UNC80: variants seen among roughly 807,000 people sequenced by gnomAD.
The protein encoded by UNC80 is protein unc-80 homolog.
In UNC80, 164 loss-of-function variants were observed where a neutral mutation model predicts 384.6. The observed-to-expected ratio is 0.43, with a 90% CI of 0.38 to 0.49. The LOEUF is 0.49. Among genes scored for constraint, UNC80 ranks in the 20% least tolerant of loss-of-function variants. The pLI is 0.00. For missense variants in UNC80, 3,330 were observed against 4,143.0 expected, an observed-to-expected ratio of 0.80 and a Z score of 5.39; for synonymous variants, 1,486 against 1,527.8, an observed-to-expected ratio of 0.97 and a Z score of 0.64.
At position 209,992,167 on chromosome 2, in the gene UNC80, G is replaced by T; in HGVS notation, c.9316G>T (p.Val3106Leu). ...ACTAACACTGTTGATGCTTGGCAGG[G>T]TGGCAAGTATACAGAGTGAACCTGG... ...GLAAEGSLSR[V>L]ASIQSEPGQQ... is the part of the protein sequence containing the mutation. Residue 3106 changes from valine to leucine, a missense_variant and splice_region_variant, in exon 62 of 65, where the codon GTG becomes TTG. Coordinates refer to ENST00000673920, the MANE Select transcript of UNC80 (RefSeq NM_001371986.1). The T allele has an allele frequency of 6.4e-7, 1 of 1,551,520 alleles. No individual in the cohort carries two copies. The highest frequency in any genetic ancestry group is 8.7e-7 in the Non-Finnish European group (1 of 1,146,886).
At chr2:209,807,213 T>A (rs569382306) in intron 7 of UNC80, among the ~76,000 whole-genome samples, 1 of 152,320 alleles carries the variant, frequency 6.6e-6, no homozygotes, top group East Asian at 1.9e-4. Context: ...TCATTATTTT[T>A]ACATATATCA....
rs535689751 is a variant in UNC80 at position 209,839,882 on chromosome 2, G to A, written c.3250+452G>A. 1.4e-4 allele frequency among the ~76,000 whole-genome samples: 21 copies of A among 152,246 alleles called. No homozygotes were observed. The highest frequency in any genetic ancestry group is 8.3e-4 in the South Asian group (4 of 4,824). ...TAGTGGTAGTGGCATTAAGATCTCC[G>A]GGATACTTGGGAGAAGGAAGGAGAG... On this transcript the variant is annotated intron_variant, in intron 19 of 64. Coordinates refer to ENST00000673920, the MANE Select transcript of UNC80 (RefSeq NM_001371986.1). The surrounding 1 kb of genome is among the most constrained non-coding windows in gnomAD (Gnocchi z 4.1).
chr2:209,840,752 T>A, intron 20 of UNC80, 104 bp downstream of exon 20: 3 of 905,142 alleles, frequency 3.3e-6, no homozygotes, highest in Non-Finnish European at 5.1e-6. Flanking sequence ...AAGGAAAAGC[T>A]GAAGAAACTC....
At chr2:209,793,604 A>G in intron 6 of UNC80, 116 bp from the exon 7 acceptor site, 1 of 1,259,418 alleles carries the variant, frequency 7.9e-7, no homozygotes, top group South Asian at 1.9e-5. Context: ...TATAGTGAAA[A>G]AAAGCCCATA....
intron 29 of UNC80, among the ~76,000 whole-genome samples, chr2:209,906,157 C>T (rs958095712): frequency 6.6e-6 from 1 of 151,998 alleles, no homozygotes; most frequent in African/African-American, 2.4e-5. Flanking sequence ...ATAATATGTA[C>T]ATCAAACAAT....
At position 209,995,526 on chromosome 2, in the gene UNC80, T is replaced by C; in HGVS notation, c.9906T>C (p.Ser3302=). 1 of 1,551,956 alleles carries C rather than the reference T, an allele frequency of 6.4e-7. No individual in the cohort carries two copies. The highest frequency in any genetic ancestry group is 8.7e-7 in the Non-Finnish European group (1 of 1,147,062). ...ATGGCATGGAGAACCCGCTACTATC[T>C]AGTCAGTTCACCTTTACTCCCACTG... ...EENGMENPLL[S]SQFTFTPTEL... The change falls in exon 65 of 65, where the codon TCT becomes TCC. Residue 3302 remains serine (S), a synonymous_variant. Transcript: ENST00000673920.
intron 24 of UNC80, among the ~76,000 whole-genome samples, chr2:209,880,559 G>A (rs907325077): frequency 6.6e-6 from 1 of 152,170 alleles, no homozygotes; most frequent in Non-Finnish European, 1.5e-5. Flanking sequence ...AAATCTGATT[G>A]AATAGCAGCG....
At chr2:209,786,350 A>G (rs1435396079) in intron 5 of UNC80, among the ~76,000 whole-genome samples, 161 bp downstream of exon 5, 1 of 152,192 alleles carries the variant, frequency 6.6e-6, no homozygotes, top group African/African-American at 2.4e-5. Flanking sequence ...ATGAGGAGAA[A>G]CTACTCTGAA....
chr2:209,922,503 G>A (rs2090115566), intron 35 of UNC80, 120 bp downstream of exon 35: 2 of 1,226,038 alleles, frequency 1.6e-6, no homozygotes, highest in Non-Finnish European at 2.2e-6. Context: ...CTCATGACTT[G>A]ACATTCTAAA....
At chr2:209,921,824 A>T in intron 34 of UNC80, 138 bp downstream of exon 34, 1 of 1,089,240 alleles carries the variant, frequency 9.2e-7, no homozygotes, top group Non-Finnish European at 1.3e-6. Flanking sequence ...ACGCTAACCA[A>T]AGAAAGAGAA....
intron 63 of UNC80, 26 bp from the exon 64 acceptor site, chr2:209,994,039 A>G (rs1372729503): frequency 1.3e-6 from 2 of 1,530,770 alleles, no homozygotes; most frequent in Admixed American, 2.1e-5. Flanking sequence ...CTCCTCCCCA[A>G]TTTACTGTTT....
chr2:209,952,360 A>G (rs2092224017), intron 47 of UNC80, among the ~76,000 whole-genome samples: 1 of 152,172 alleles, frequency 6.6e-6, no homozygotes, highest in Non-Finnish European at 1.5e-5. Flanking sequence ...ATTTTAATTC[A>G]GTGTGTGATT....
At chr2:209,925,164 C>T (rs1444869712) in intron 35 of UNC80, among the ~76,000 whole-genome samples, 14 of 151,102 alleles carry the variant, frequency 9.3e-5, no homozygotes, top group African/African-American at 2.7e-4. Flanking sequence ...TTGAAAGCTC[C>T]GAAAAAAGTG....
intron 35 of UNC80, among the ~76,000 whole-genome samples, chr2:209,925,556 A>T (rs1472601495): frequency 6.8e-6 from 1 of 147,892 alleles, no homozygotes; most frequent in African/African-American, 2.4e-5. Flanking sequence ...TCCAGCTTTT[A>T]TTCCCTTATT....
chr2:209,855,345 T>TGCTGGAC (rs2082828726), intron 22 of UNC80, among the ~76,000 whole-genome samples: 1 of 152,112 alleles, frequency 6.6e-6, no homozygotes, highest in Non-Finnish European at 1.5e-5. Context: ...GACAAATAGC[T>TGCTGGAC]AATGCATGCT....
intron 61 of UNC80, 142 bp from the exon 62 acceptor site, chr2:209,992,024 C>A: frequency 3.4e-6 from 2 of 595,924 alleles, no homozygotes; most frequent in Non-Finnish European, 5.5e-6. Flanking sequence ...AACACCCATC[C>A]CAGGGACTCT....
At chr2:209,885,224 G>T (rs1459928805) in intron 25 of UNC80, among the ~76,000 whole-genome samples, 1 of 152,086 alleles carries the variant, frequency 6.6e-6, no homozygotes, top group African/African-American at 2.4e-5. Flanking sequence ...GGTTGCAGGG[G>T]TGGGGATGAA....
intron 7 of UNC80, chr2:209,808,767 T>TTCTGCTCTACTCAGCGACCTCGTTGCC: frequency 3.4e-5 from 2 of 59,202 alleles, no homozygotes; most frequent in Non-Finnish European, 5.9e-5. Flanking sequence ...CCTGCGCTAC[T>TTCTGCTCTACTCAGCGACCTCGTTGCC]TCTGCGCTAC....
At chr2:209,807,220 A>G (rs2078955975) in intron 7 of UNC80, among the ~76,000 whole-genome samples, 1 of 152,192 alleles carries the variant, frequency 6.6e-6, no homozygotes, top group South Asian at 2.1e-4. Flanking sequence ...TTTTACATAT[A>G]TCATTTAGAA....
Sources: allele counts gnomAD v4.1 joint callset (sites outside exome capture counted in the v4.1 genomes callset), GRCh38; gene constraint gnomAD v4.1.1; non-coding constraint Gnocchi (gnomAD v3.1); transcripts MANE v1.5; gene names NCBI Gene and HGNC (gene_info 2026-07-23, HGNC 2026-07-21).